Variants in ADAM7 observed in about 807,000 individuals in gnomAD.
The protein encoded by ADAM7 is disintegrin and metalloproteinase domain-containing protein 7.
A neutral mutation model predicts 102.9 loss-of-function variants in ADAM7; 97 were observed. That is an observed-to-expected ratio of 0.94 (90% CI 0.80 to 1.12). The LOEUF (loss-of-function observed/expected upper bound fraction) is 1.12. ADAM7 is among the 50% of genes most tolerant of loss of function. ADAM7 has a pLI of 0.00. For missense variants in ADAM7, 991 were observed against 908.7 expected, an observed-to-expected ratio of 1.09 and a Z score of -1.16; for synonymous variants, 334 against 304.4, an observed-to-expected ratio of 1.10 and a Z score of -1.01.
At chr8:24,442,194 C>A (rs1044493262) in intron 1 of ADAM7, among the ~76,000 whole-genome samples, 15 of 152,036 alleles carry the variant, frequency 9.9e-5, no homozygotes, top group African/African-American at 3.4e-4. Flanking sequence ...ATAAATGAAA[C>A]AAAAAATAAA....
intron 3 of ADAM7, among the ~76,000 whole-genome samples, chr8:24,456,886 G>C (rs147912515): frequency 3.4e-4 from 51 of 152,094 alleles, no homozygotes; most frequent in African/African-American, 1.2e-3. Context: ...TCAGTGTTTG[G>C]CTATCATTAG....
rs1818359435 is a variant in ADAM7, at chr8:24,441,138, T to C, written c.30T>C (p.Ile10=). 6.2e-7 allele frequency: 1 copy of C among 1,613,862 alleles called. No individual in the cohort carries two copies. Among genetic ancestry groups the C allele is most frequent in the Non-Finnish European group, 8.5e-7 (1 of 1,179,720 alleles). MLPGCIFLM[I]LLIPQVKEKF... ...TTCCCGGGTGTATATTCTTGATGAT[T>C]TTACTCATTCCTCAGGTTAAAGGTA... The change falls in exon 1 of 22, where the codon ATT becomes ATC. Residue 10 remains isoleucine, a synonymous_variant. Transcript: ENST00000175238.
intron 20 of ADAM7, chr8:24,506,005 A>T (rs1820937368): frequency 2.9e-6 from 3 of 1,025,866 alleles, no homozygotes; most frequent in Non-Finnish European, 1.5e-6. Flanking sequence ...GTAGGATAAC[A>T]ATCTACACAA....
intron 3 of ADAM7, among the ~76,000 whole-genome samples, chr8:24,461,565 G>A (rs1819243022): frequency 6.6e-6 from 1 of 151,834 alleles, no homozygotes; most frequent in Non-Finnish European, 1.5e-5. Context: ...TCCAAATTGG[G>A]TTCATTTTTT....
At chr8:24,480,247 CT>C (rs1819903731) in intron 8 of ADAM7, among the ~76,000 whole-genome samples, 1 of 152,118 alleles carries the variant, frequency 6.6e-6, no homozygotes, top group Non-Finnish European at 1.5e-5. Flanking sequence ...TATTGCTGAA[CT>C]TTTACTGAAG....
rs1819337937 is a variant in ADAM7, at chr8:24,463,954, G to C, written c.306G>C (p.Gln102His). ...GAGAAGCGTTCACCAGGCATCCTCA[G>C]ATCATGGTATCTTATGGAACTTTAC... Reference protein sequence around the residue: ...MKGEAFTRHPQIMDHCFYQGS... With the variant: ...MKGEAFTRHPHIMDHCFYQGS... Residue 102 changes from glutamine (Q) to histidine (H), a missense_variant, in exon 4 of 22, where the codon CAG (glutamine) becomes CAC (histidine). Gln to His is a conservative substitution (Grantham distance 24, BLOSUM62 0). Transcript: ENST00000175238. The C allele has an allele frequency of 6.2e-7, 1 of 1,611,538 alleles. No individual in the cohort carries two copies. The highest frequency in any genetic ancestry group is 1.3e-5 in the African/African-American group (1 of 74,958).
chr8:24,483,239 A>G (rs999268792), intron 9 of ADAM7, among the ~76,000 whole-genome samples: 2 of 152,170 alleles, frequency 1.3e-5, no homozygotes, highest in African/African-American at 2.4e-5. Context: ...CTTAGCCCAG[A>G]GGAAAAGGAT....
rs1361186244 is a variant in ADAM7 at position 24,509,477 on chromosome 8, T to C, written c.*931T>C. The C allele has an allele frequency of 1.0e-6, 1 of 984,676 alleles. No homozygotes were observed. Among genetic ancestry groups the C allele is most frequent in the African/African-American group, 1.7e-5 (1 of 57,220 alleles). 61.0% of individuals were successfully genotyped at this position (984,676 alleles called of 1,614,324 possible). A position where few individuals can be genotyped will look rare whatever the true frequency, so the allele number is the denominator to read the frequency against. Reference sequence around the variant, plus strand: ...TGTTAAAGCTACATGCATTATTTTTTTTCCATTTACTGAAATAAAGTTTTC... The same window carrying C: ...TGTTAAAGCTACATGCATTATTTTTCTTCCATTTACTGAAATAAAGTTTTC... On this transcript the variant is annotated 3_prime_UTR_variant, in exon 22 of 22. Coordinates refer to ENST00000175238, the MANE Select transcript of ADAM7 (RefSeq NM_003817.4).
chr8:24,463,357 T>A (rs920559558), intron 3 of ADAM7, among the ~76,000 whole-genome samples: 1 of 152,116 alleles, frequency 6.6e-6, no homozygotes, highest in African/African-American at 2.4e-5. Flanking sequence ...TCACTATAGA[T>A]ATAGAGACCA....
intron 11 of ADAM7, among the ~76,000 whole-genome samples, chr8:24,487,619 G>A (rs1409377524): frequency 7.1e-6 from 1 of 141,438 alleles, no homozygotes; most frequent in Non-Finnish European, 1.5e-5. Context: ...TGGGCAACAA[G>A]AGCAAAACTC....
chr8:24,492,377 C>T, intron 14 of ADAM7, 118 bp from the exon 15 acceptor site: 1 of 782,400 alleles, frequency 1.3e-6, no homozygotes, highest in Non-Finnish European at 2.0e-6. Context: ...TAATTTATTC[C>T]ATTCTACTTC....
In ADAM7 at chr8:24,487,309, T is replaced by C. The variant is rs1261956257; in HGVS notation, c.1083T>C (p.Ser361=). The change falls in exon 11 of 22, where the codon AGT becomes AGC. Residue 361 remains serine (S), a synonymous_variant. Coordinates refer to ENST00000175238, the MANE Select transcript of ADAM7 (RefSeq NM_003817.4). ...TCPSGKCVMD[S]DGSIPALKFS... is the part of the protein sequence containing the mutation. ...CTTCAGGAAAATGCGTGATGGACAG[T>C]GATGGAAGGTGAGATTCGAACAATG... 6.2e-7 allele frequency: 1 copy of C among 1,613,558 alleles called. No homozygotes were observed. Among genetic ancestry groups the C allele is most frequent in the South Asian group, 1.1e-5 (1 of 91,052 alleles).
At chr8:24,506,215 C>A in intron 20 of ADAM7, 1 of 1,308,322 alleles carries the variant, frequency 7.6e-7, no homozygotes, top group Non-Finnish European at 1.1e-6. Context: ...TAATAATTTT[C>A]ATGAAACTTA....
At chr8:24,481,951 A>C (rs1033811140) in intron 8 of ADAM7, among the ~76,000 whole-genome samples, 191 bp from the exon 9 acceptor site, 3 of 152,150 alleles carry the variant, frequency 2.0e-5, no homozygotes, top group South Asian at 2.1e-4. Flanking sequence ...CAGAAAATTC[A>C]CCAGGTATTC....
At chr8:24,446,214 A>G (rs1299315687) in intron 2 of ADAM7, among the ~76,000 whole-genome samples, 1 of 152,192 alleles carries the variant, frequency 6.6e-6, no homozygotes, top group Non-Finnish European at 1.5e-5. Flanking sequence ...AAATACCACA[A>G]AAGAAACTGG....
intron 3 of ADAM7, among the ~76,000 whole-genome samples, chr8:24,460,070 T>C (rs1339851940): frequency 1.3e-5 from 2 of 150,992 alleles, no homozygotes; most frequent in East Asian, 3.9e-4. Context: ...TTACCAATGT[T>C]TGGATTTGTT....
rs188365353 is a variant in ADAM7, at chr8:24,448,646, C to T, written c.233+1384C>T. 1.1e-3 allele frequency among the ~76,000 whole-genome samples: 149 copies of T among 135,284 alleles called. 3 individuals are homozygous for T. The East Asian group carries it at 0.023, about 21-fold the overall frequency. The allele number at this position is 135,284 out of a possible 152,430, so 88.8% of individuals were successfully genotyped here. ...TTTTCAACATTTCCCCTCTAAGTTT[C>T]ATTCAGCTTGTTTATTATTATTATT... On this transcript the variant is annotated intron_variant, in intron 3 of 21. Transcript: ENST00000175238.
chr8:24,444,323 G>A (rs565734062), intron 2 of ADAM7, among the ~76,000 whole-genome samples: 1 of 151,100 alleles, frequency 6.6e-6, no homozygotes, highest in African/African-American at 2.4e-5. Flanking sequence ...ACTTCTTCTG[G>A]GAGAGGAATC....
At chr8:24,475,913 T>C (rs1334594180) in intron 7 of ADAM7, 1 of 456,420 alleles carries the variant, frequency 2.2e-6, no homozygotes, top group African/African-American at 2.0e-5. Flanking sequence ...TGGTTTGCCC[T>C]CGTAGCTATT....
Sources: allele counts gnomAD v4.1 joint callset (sites outside exome capture counted in the v4.1 genomes callset), GRCh38; gene constraint gnomAD v4.1.1; transcripts MANE v1.5; gene names NCBI Gene and HGNC (gene_info 2026-07-23, HGNC 2026-07-21).